STOX2: variants seen among roughly 807,000 people sequenced by gnomAD.
STOX2 encodes the protein storkhead box 2, also known as storkhead-box protein 2.
Under a neutral mutation model 60.9 loss-of-function variants are expected in STOX2, and 28 were observed. That is an observed-to-expected ratio of 0.46 (90% confidence interval 0.34 to 0.63). The LOEUF (loss-of-function observed/expected upper bound fraction) is 0.63. Ranked by LOEUF, STOX2 falls within the 30% of genes least tolerant of loss-of-function variation. The pLI is 0.01. For synonymous variants in STOX2, 472 were observed against 463.9 expected (o/e 1.02, Z -0.22); for missense variants, 1,024 against 1,187.7 (o/e 0.86, Z 2.03).
At chr4:183,955,477 G>C (rs904786717) in intron 1 of STOX2, among the ~76,000 whole-genome samples, 1 of 152,120 alleles carries the variant, frequency 6.6e-6, no homozygotes, top group Non-Finnish European at 1.5e-5. Context: ...GGCAATCTAG[G>C]TATTCCTCCC....
chr4:183,873,519 G>A (rs1208956822), intron 1 of STOX2, among the ~76,000 whole-genome samples: 5 of 151,648 alleles, frequency 3.3e-5, no homozygotes, highest in Admixed American at 6.6e-5. Flanking sequence ...AGAAGGTGCT[G>A]AGCCTGCCTT....
chr4:183,817,453 G>T (rs866890056), intron 1 of STOX2, among the ~76,000 whole-genome samples: 6 of 152,108 alleles, frequency 3.9e-5, no homozygotes, highest in African/African-American at 1.2e-4. Context: ...TTTTTGGATC[G>T]CCAGGGAAAA....
chr4:183,806,067 G>A lies in STOX2; in HGVS notation c.364+8012G>A, dbSNP rs188417356. ...AGTTGAGAAAGTGCATGGGACAGTG[G>A]GAGACCCCATGCTGAGCAGATCCAG... On this transcript the variant is annotated intron_variant, in intron 1 of 2. Coordinates refer to the STOX2 transcript ENST00000513034. This position sits in a 1 kb window ranked among gnomAD's most constrained non-coding sequence, Gnocchi z 4.1. Among the ~76,000 whole-genome samples the A allele has an allele frequency of 1.3e-3, 202 of 152,266 alleles. No individual in the cohort carries two copies. Among genetic ancestry groups the A allele is most frequent in the African/African-American group, 4.5e-3 (187 of 41,544 alleles).
intron 1 of STOX2, among the ~76,000 whole-genome samples, chr4:183,975,347 G>T (rs1732408684): frequency 2.6e-5 from 4 of 151,938 alleles, no homozygotes; most frequent in Non-Finnish European, 1.5e-5. Context: ...GATAAGAGTA[G>T]ATATCAATGA....
chr4:183,857,117 GACTGGTCATCCTGCAGA>G, intron 1 of STOX2, among the ~76,000 whole-genome samples: 1 of 152,220 alleles, frequency 6.6e-6, no homozygotes, highest in South Asian at 2.1e-4. Context: ...TGTCCCACAG[GACTGGTCATCCTGCAGA>G]ACTGGTTATC....
At chr4:183,840,783 C>G (rs942977433) in intron 1 of STOX2, among the ~76,000 whole-genome samples, 3 of 152,152 alleles carry the variant, frequency 2.0e-5, no homozygotes, top group Admixed American at 6.5e-5. Context: ...TTTTGTCTGA[C>G]TACAAAAAAA....
rs775714838 is a variant in STOX2 at position 183,836,283 on chromosome 4, C to T, written c.364+38228C>T. 6.6e-5 allele frequency among the ~76,000 whole-genome samples: 10 copies of T among 152,126 alleles called. No individual in the cohort carries two copies. The highest frequency in any genetic ancestry group is 1.3e-4 in the Non-Finnish European group (9 of 68,036). On this transcript the variant is annotated intron_variant, in intron 1 of 2. Coordinates refer to the STOX2 transcript ENST00000513034. The surrounding 1 kb of genome is among the most constrained non-coding windows in gnomAD (Gnocchi z 4.1). ...ATTGCTTTATCCTCTGAGGTTGCAC[C>T]GCAGATCCTCTTCTGCAAGTCAATG...
chr4:183,903,478 G>A (rs1353080694), upstream of STOX2, among the ~76,000 whole-genome samples: 1 of 152,076 alleles, frequency 6.6e-6, no homozygotes, highest in Non-Finnish European at 1.5e-5. Flanking sequence ...GCATTTATTT[G>A]CCTACTGTTT....
At chr4:183,824,071 A>G (rs1488635170) in intron 1 of STOX2, among the ~76,000 whole-genome samples, 2 of 152,188 alleles carry the variant, frequency 1.3e-5, no homozygotes, top group Non-Finnish European at 2.9e-5. Context: ...TGTTATTGCA[A>G]ACTTGGGAAG....
chr4:183,894,232 C>A (rs191441887), intron 1 of STOX2, among the ~76,000 whole-genome samples: 5 of 152,134 alleles, frequency 3.3e-5, no homozygotes, highest in Non-Finnish European at 7.4e-5. Context: ...GAAGCTACTG[C>A]GAACTACAGT....
intron 1 of STOX2, among the ~76,000 whole-genome samples, chr4:183,823,970 T>C (rs113687956): frequency 0.023 from 3,504 of 151,210 alleles, 150 homozygotes; most frequent in African/African-American, 0.08. Flanking sequence ...CTTGATCTTT[T>C]TCCCAGATAC....
chr4:183,921,444 CA>C (rs952746922), intron 1 of STOX2, among the ~76,000 whole-genome samples: 4 of 150,480 alleles, frequency 2.7e-5, no homozygotes, highest in South Asian at 2.1e-4. Flanking sequence ...TGGGGGAAAA[CA>C]AAAAAAAAGT....
Position 183,836,363 on chromosome 4 carries a change from A to C in STOX2, c.364+38308A>C, listed in dbSNP as rs1054164092. On this transcript the variant is annotated intron_variant, in intron 1 of 2. Coordinates refer to the STOX2 transcript ENST00000513034. This position sits in a 1 kb window ranked among gnomAD's most constrained non-coding sequence, Gnocchi z 4.1. ...AGCAACAGTGGTCTGAGGACCACTA[A>C]AAATAAACATAAGGAGTGTCACTAC... 6.6e-6 allele frequency among the ~76,000 whole-genome samples: 1 copy of C among 152,206 alleles called. No individual in the cohort carries two copies. The highest frequency in any genetic ancestry group is 6.5e-5 in the Admixed American group (1 of 15,274).
intron 1 of STOX2, among the ~76,000 whole-genome samples, chr4:183,992,455 A>T (rs1191922481): frequency 2.0e-5 from 3 of 152,248 alleles, no homozygotes; most frequent in Non-Finnish European, 4.4e-5. Flanking sequence ...AAACTGGAGC[A>T]TCTAATGTCT....
chr4:183,828,623 G>A (rs1739490630), intron 1 of STOX2, among the ~76,000 whole-genome samples: 1 of 152,192 alleles, frequency 6.6e-6, no homozygotes, highest in Non-Finnish European at 1.5e-5. Flanking sequence ...TAATCCCAGA[G>A]GCGACAGATT....
chr4:184,013,324 G>A (rs1734237660), intron 3 of STOX2, among the ~76,000 whole-genome samples: 1 of 152,094 alleles, frequency 6.6e-6, no homozygotes, highest in Non-Finnish European at 1.5e-5. Context: ...CTAAACTTGG[G>A]GTGCAGAATA....
chr4:183,846,355 T>C (rs1414473768), intron 1 of STOX2, among the ~76,000 whole-genome samples: 3 of 152,056 alleles, frequency 2.0e-5, no homozygotes, highest in Non-Finnish European at 1.5e-5. Flanking sequence ...TTGCTTCAAA[T>C]ATTCTTTTGC....
chr4:183,802,636 C>G (rs965587077), intron 1 of STOX2, among the ~76,000 whole-genome samples: 1 of 150,836 alleles, frequency 6.6e-6, no homozygotes, highest in Non-Finnish European at 1.5e-5. Flanking sequence ...GGCGGAGTCT[C>G]GCTCTGTCGC....
chr4:184,002,914 A>G (rs921191798), intron 2 of STOX2, among the ~76,000 whole-genome samples: 2 of 152,236 alleles, frequency 1.3e-5, no homozygotes, highest in Admixed American at 6.5e-5. Context: ...GATAATATGT[A>G]TATGGTTCAA....
Sources: gnomAD v4.1 joint callset for allele counts (sites outside exome capture counted in the v4.1 genomes callset) on GRCh38, gnomAD v4.1.1 for gene constraint, Gnocchi (gnomAD v3.1) non-coding constraint, MANE v1.5 for transcripts, NCBI Gene and HGNC (gene_info 2026-07-23, HGNC 2026-07-21) for gene names.